ZNF440: variants seen among roughly 807,000 people sequenced by gnomAD.
The protein encoded by ZNF440 is zinc finger protein 440.
ZNF440 carries 47 observed loss-of-function variants against 49.7 expected under a neutral mutation model. That is an observed-to-expected ratio of 0.95 (90% CI 0.75 to 1.21). The LOEUF is 1.21. Among genes scored for constraint, ZNF440 ranks in the 50% most tolerant of loss-of-function variants. The pLI, the probability that ZNF440 is intolerant of heterozygous loss-of-function variation, is 0.00. For synonymous variants in ZNF440, 255 were observed against 237.7 expected (o/e 1.07, Z -0.67); for missense variants, 703 against 715.0 (o/e 0.98, Z 0.19).
At chr19:11,826,112 G>A (rs1975862722) in intron 1 of ZNF440, among the ~76,000 whole-genome samples, 2 of 152,148 alleles carry the variant, frequency 1.3e-5, no homozygotes, top group South Asian at 4.1e-4. Flanking sequence ...CACGCGGCCA[G>A]GGCCACTCAT....
chr19:11,822,845 T>TAAAA lies in ZNF440; in HGVS notation c.4-7425_4-7422dup, dbSNP rs547706900. On this transcript the variant is annotated intron_variant, in intron 1 of 3. Coordinates refer to ENST00000304060, the MANE Select transcript of ZNF440 (RefSeq NM_152357.3). ...CTGGGCAACAAGAGTGAAACTCCGTTAAAAAAAAAAAAAAAAGATGCCCTG... is the reference window on the plus strand; with the variant it reads ...CTGGGCAACAAGAGTGAAACTCCGTTAAAAAAAAAAAAAAAAAAAAGATGCCCTG... Among the ~76,000 whole-genome samples the TAAAA allele has an allele frequency of 1.4e-3, 159 of 117,546 alleles. 4 individuals are homozygous for TAAAA. Among genetic ancestry groups the TAAAA allele is most frequent in the African/African-American group, 5.1e-3 (155 of 30,170 alleles). The allele number at this position is 117,546 out of a possible 152,430, so 77.1% of individuals were successfully genotyped here.
chr19:11,832,471 C>T lies in ZNF440; in HGVS notation c.1295C>T (p.Ala432Val). Residue 432 changes from alanine (A) to valine (V), a missense_variant, in exon 4 of 4, where the codon GCC (alanine) becomes GTC (valine). Coordinates refer to ENST00000304060, the MANE Select transcript of ZNF440 (RefSeq NM_152357.3). ...TATGAATGTAAGGAATGTGGGAAAG[C>T]CTTCAGATATGTGAATAACCTTCAA... ...KPYECKECGKAFRYVNNLQSH... is the reference protein window; with the variant it reads ...KPYECKECGKVFRYVNNLQSH... 6.2e-7 allele frequency: 1 copy of T among 1,613,570 alleles called. No individual in the cohort carries two copies. The highest frequency in any genetic ancestry group is 8.5e-7 in the Non-Finnish European group (1 of 1,179,972).
Position 11,814,394 on chromosome 19 carries a change from A to T in ZNF440, c.-54A>T. 6.4e-7 allele frequency: 1 copy of T among 1,553,458 alleles called. No homozygotes were observed. The highest frequency in any genetic ancestry group is 8.7e-7 in the Non-Finnish European group (1 of 1,151,492). ...CGCTCTGTAACCTGCACTGTGACCTACACTAGTCGCGGGAGCCACGCAGAG... is the reference window on the plus strand; with the variant it reads ...CGCTCTGTAACCTGCACTGTGACCTTCACTAGTCGCGGGAGCCACGCAGAG... On this transcript the variant is annotated 5_prime_UTR_variant, in exon 1 of 4. Coordinates refer to ENST00000304060, the MANE Select transcript of ZNF440 (RefSeq NM_152357.3).
At chr19:11,830,459 C>G in intron 2 of ZNF440, 50 bp downstream of exon 2, 1 of 1,610,594 alleles carries the variant, frequency 6.2e-7, no homozygotes, top group Non-Finnish European at 8.5e-7. Flanking sequence ...ACCAGTGTTT[C>G]TAGCTCATTA....
chr19:11,829,766 G>A (rs1302181767), intron 1 of ZNF440, among the ~76,000 whole-genome samples: 2 of 151,908 alleles, frequency 1.3e-5, no homozygotes, highest in African/African-American at 4.8e-5. Flanking sequence ...CCAGGAGTAA[G>A]AGGTTGTAGT....
Position 11,825,817 on chromosome 19 carries a change from C to T in ZNF440, c.4-4466C>T, listed in dbSNP as rs1394488701. ...TTTTTTTTTTCTTTTCTTTTCTTTTCTTTTTTTTTTTTTTTGAGACAGAGT... is the reference window on the plus strand; with the variant it reads ...TTTTTTTTTTCTTTTCTTTTCTTTTTTTTTTTTTTTTTTTTGAGACAGAGT... On this transcript the variant is annotated intron_variant, in intron 1 of 3. Transcript: ENST00000304060. 9.9e-4 allele frequency among the ~76,000 whole-genome samples: 130 copies of T among 131,426 alleles called. 1 individual carries two copies. Among genetic ancestry groups the T allele is most frequent in the Middle Eastern group, 3.9e-3 (1 of 258 alleles). The allele number at this position is 131,426 out of a possible 152,430, so 86.2% of individuals were successfully genotyped here. A position where few individuals can be genotyped will look rare whatever the true frequency, so the allele number is the denominator to read the frequency against.
At chr19:11,816,579 T>C (rs1398879893) in intron 1 of ZNF440, 1 of 152,242 alleles carries the variant, frequency 6.6e-6, no homozygotes, top group Non-Finnish European at 1.5e-5. Context: ...TTTCAGGGTT[T>C]TTTGGGGGTT....
At chr19:11,824,238 A>G (rs1975835472) in intron 1 of ZNF440, among the ~76,000 whole-genome samples, 1 of 151,794 alleles carries the variant, frequency 6.6e-6, no homozygotes, top group Non-Finnish European at 1.5e-5. Context: ...TAGTTTCAAT[A>G]GGATATGCTG....
chr19:11,833,742 G>A lies in ZNF440; in HGVS notation c.*778G>A. 8.7e-6 allele frequency: 7 copies of A among 803,546 alleles called. No homozygotes were observed. Among genetic ancestry groups the A allele is most frequent in the Admixed American group, 2.7e-5 (1 of 37,468 alleles). The allele number at this position is 803,546 out of a possible 1,614,324, so 49.8% of individuals were successfully genotyped here. ...GACTCACACTGGAGAGAAGCCCTAT[G>A]AATATAAGCAATGTGGGAAAGCCTT... On this transcript the variant is annotated 3_prime_UTR_variant, in exon 4 of 4. Transcript: ENST00000304060.
chr19:11,831,108 A>G lies in ZNF440; in HGVS notation c.192-260A>G, dbSNP rs552175003. ...GGATAAGACCCTGAAACAAAAGAAA[A>G]ATGACACAGAGTATTTAGTATTTTA... On this transcript the variant is annotated intron_variant, in intron 3 of 3. Transcript: ENST00000304060. Among the ~76,000 whole-genome samples, 13 of 152,358 alleles carry G rather than the reference A, an allele frequency of 8.5e-5. No homozygotes were observed. In the South Asian group the frequency reaches 2.5e-3, roughly 29 times the overall value.
chr19:11,822,524 C>T (rs1238337350), intron 1 of ZNF440, among the ~76,000 whole-genome samples: 1 of 152,120 alleles, frequency 6.6e-6, no homozygotes, highest in Non-Finnish European at 1.5e-5. Flanking sequence ...GCTGGCAATA[C>T]CTGGTTTGTC....
intron 1 of ZNF440, among the ~76,000 whole-genome samples, chr19:11,825,152 CAAAAATAAA>C (rs1359666292): frequency 2.1e-4 from 32 of 149,012 alleles, no homozygotes; most frequent in African/African-American, 7.9e-4. Flanking sequence ...ACCCTGTTTC[CAAAAATAAA>C]AAAAATAAAA....
chr19:11,828,611 T>C (rs969491451), intron 1 of ZNF440, among the ~76,000 whole-genome samples: 29 of 152,174 alleles, frequency 1.9e-4, no homozygotes, highest in African/African-American at 6.8e-4. Flanking sequence ...TGAATTCTAT[T>C]GTATTTTGCT....
chr19:11,832,580 T>C lies in ZNF440; in HGVS notation c.1404T>C (p.Tyr468=). ...YKCKICGKGF[Y]CPKSFQRHEK... ...GTAAGATATGTGGGAAAGGCTTTTA[T>C]TGTCCCAAATCATTTCAAAGACATG... Residue 468 remains tyrosine, a synonymous_variant, in exon 4 of 4, where the codon TAT becomes TAC. Coordinates refer to ENST00000304060, the MANE Select transcript of ZNF440 (RefSeq NM_152357.3). The C allele has an allele frequency of 6.2e-7, 1 of 1,613,870 alleles. No individual in the cohort carries two copies. Among genetic ancestry groups the C allele is most frequent in the South Asian group, 1.1e-5 (1 of 91,034 alleles).
At chr19:11,828,431 C>G (rs1433224053) in intron 1 of ZNF440, among the ~76,000 whole-genome samples, 1 of 152,120 alleles carries the variant, frequency 6.6e-6, no homozygotes, top group Non-Finnish European at 1.5e-5. Context: ...GTGATCTTCC[C>G]ACCTCAACCT....
Position 11,832,051 on chromosome 19 carries a change from C to T in ZNF440, c.875C>T (p.Ala292Val), listed in dbSNP as rs756104987. 1.2e-5 allele frequency: 19 copies of T among 1,614,054 alleles called. 1 individual carries two copies. In the South Asian group the frequency reaches 2.1e-4, roughly 18 times the overall value. The change falls in exon 4 of 4, where the codon GCA becomes GTA. Residue 292 changes from alanine (A) to valine (V), a missense_variant. Transcript: ENST00000304060. ...TATCAATGTAAGGAATGTGGAAAAG[C>T]ATTCACGTGTCCCCGTTATGTTCGT... ...KAYQCKECGK[A>V]FTCPRYVRIH...
intron 1 of ZNF440, among the ~76,000 whole-genome samples, chr19:11,820,936 G>C (rs936729769): frequency 6.6e-6 from 1 of 152,112 alleles, no homozygotes; most frequent in Non-Finnish European, 1.5e-5. Context: ...ATACATGGGG[G>C]TACACAGGGG....
chr19:11,823,855 G>A (rs1187782061), intron 1 of ZNF440, among the ~76,000 whole-genome samples: 3 of 151,942 alleles, frequency 2.0e-5, no homozygotes, highest in South Asian at 2.1e-4. Context: ...CCAGCTATTC[G>A]GGAGGCTGAA....
At chr19:11,829,392 C>A (rs1023092027) in intron 1 of ZNF440, among the ~76,000 whole-genome samples, 2 of 151,002 alleles carry the variant, frequency 1.3e-5, no homozygotes, top group African/African-American at 2.4e-5. Context: ...CCCAGGGGCT[C>A]CCCCTCCTGC....
Sources: allele counts gnomAD v4.1 joint callset (sites outside exome capture counted in the v4.1 genomes callset), GRCh38; gene constraint gnomAD v4.1.1; transcripts MANE v1.5; gene names NCBI Gene and HGNC (gene_info 2026-07-23, HGNC 2026-07-21).